Variants in CNTNAP2 observed in about 807,000 individuals in gnomAD.
CNTNAP2 encodes the protein contactin-associated protein-like 2.
CNTNAP2 carries 98 observed loss-of-function variants against 155.2 expected under a neutral mutation model. That is an observed-to-expected ratio of 0.63 (90% CI 0.54 to 0.75). CNTNAP2 has a LOEUF of 0.75. Among genes scored for constraint, CNTNAP2 ranks in the 30% least tolerant of loss-of-function variants. CNTNAP2 has a pLI of 0.00. For synonymous variants in CNTNAP2, 651 were observed against 631.2 expected (o/e 1.03, Z -0.47); for missense variants, 1,727 against 1,688.1 (o/e 1.02, Z -0.40).
At chr7:147,347,500 A>ATGTGTGTG (rs1407391848) in intron 9 of CNTNAP2, among the ~76,000 whole-genome samples, 38 of 121,388 alleles carry the variant, frequency 3.1e-4, no homozygotes, top group African/African-American at 1.0e-3. Context: ...ATGCATATAT[A>ATGTGTGTG]TGTGTGTGTG....
intron 12 of CNTNAP2, 189 bp from the exon 13 acceptor site, chr7:147,638,917 T>C (rs1025879090): frequency 2.9e-6 from 2 of 689,278 alleles, no homozygotes. Flanking sequence ...ATTACTTTCC[T>C]ACTTTGTCCT....
chr7:147,404,924 T>C (rs1273863809), intron 10 of CNTNAP2, among the ~76,000 whole-genome samples: 1 of 152,170 alleles, frequency 6.6e-6, no homozygotes, highest in Non-Finnish European at 1.5e-5. Context: ...AAAAAGGTAG[T>C]GAAATGCCAG....
intron 1 of CNTNAP2, among the ~76,000 whole-genome samples, chr7:146,531,850 C>T (rs1442870429): frequency 1.3e-5 from 2 of 151,902 alleles, no homozygotes; most frequent in East Asian, 1.9e-4. Context: ...GGCCCTATAG[C>T]TTGTTTAAAC....
At chr7:147,779,093 G>A (rs991325058) in intron 13 of CNTNAP2, among the ~76,000 whole-genome samples, 2 of 151,830 alleles carry the variant, frequency 1.3e-5, no homozygotes, top group Non-Finnish European at 2.9e-5. Flanking sequence ...TTTTTTGTAA[G>A]CAATCCAACC....
At chr7:146,186,394 A>G (rs1798624328) in intron 1 of CNTNAP2, among the ~76,000 whole-genome samples, 1 of 152,164 alleles carries the variant, frequency 6.6e-6, no homozygotes, top group South Asian at 2.1e-4. Context: ...CTCAAGAATT[A>G]TACGCTTTAA....
intron 1 of CNTNAP2, among the ~76,000 whole-genome samples, chr7:146,463,291 T>G (rs1458141834): frequency 6.6e-6 from 1 of 152,186 alleles, no homozygotes. Flanking sequence ...TGTGTACTGT[T>G]GCCATGATTT....
intron 10 of CNTNAP2, among the ~76,000 whole-genome samples, chr7:147,447,872 G>A (rs760553267): frequency 4.6e-5 from 7 of 151,960 alleles, no homozygotes; most frequent in Non-Finnish European, 8.8e-5. Context: ...AATATGGCTA[G>A]TATCAAGAAA....
At chr7:147,225,830 G>GGAAGGAAGGAGGGAAA (rs879538058) in intron 8 of CNTNAP2, among the ~76,000 whole-genome samples, 3 of 108,464 alleles carry the variant, frequency 2.8e-5, no homozygotes, top group Non-Finnish European at 3.9e-5. Context: ...AAGGAAAGAA[G>GGAAGGAAGGAGGGAAA]GAAGGAAGGA....
chr7:147,120,977 A>G lies in CNTNAP2; in HGVS notation c.755-2A>G. On this transcript the variant is annotated splice_acceptor_variant, in intron 5 of 23. Transcript: ENST00000361727. LOFTEE classifies it high-confidence loss of function. ...GTTTCTTTTTCACTTCTGTGTACGC[A>G]GGAAGCAACCAGCTTGGCCCCATAT... 2 of 1,613,410 alleles carry G rather than the reference A, an allele frequency of 1.2e-6. No homozygotes were observed. Among genetic ancestry groups the G allele is most frequent in the Non-Finnish European group, 8.5e-7 (1 of 1,179,876 alleles).
rs566066151 is a variant in CNTNAP2, at chr7:146,757,518, T to C, written c.98-16753T>C. 9.2e-5 allele frequency among the ~76,000 whole-genome samples: 14 copies of C among 152,264 alleles called. No homozygotes were observed. In the South Asian group the frequency reaches 2.9e-3, roughly 32 times the overall value. On this transcript the variant is annotated intron_variant, in intron 1 of 23. Transcript: ENST00000361727. The stretch of plus-strand genomic sequence containing the variant: ...TTCTCTCACAAACATTTCATGACAT[T>C]ATAGAATCCAGAAATGTCAGCTATA...
At chr7:146,333,227 G>T (rs957422483) in intron 1 of CNTNAP2, among the ~76,000 whole-genome samples, 1 of 152,122 alleles carries the variant, frequency 6.6e-6, no homozygotes, top group Admixed American at 6.5e-5. Context: ...TTACTAGCAT[G>T]AGCCACGATG....
rs71165057 is a variant in CNTNAP2 at position 146,985,308 on chromosome 7, A to ATTTTTTTT, written c.403-58577_403-58570dup. On this transcript the variant is annotated intron_variant, in intron 3 of 23. Transcript: ENST00000361727. ...CAAAGTGCTTGTGGAAAATGCTTGA[A>ATTTTTTTT]TTTTTTTTTTTTTTTTTTTTTTTTT... Among the ~76,000 whole-genome samples, 58 of 127,840 alleles carry ATTTTTTTT rather than the reference A, an allele frequency of 4.5e-4. 3 individuals carry two copies. Among genetic ancestry groups the ATTTTTTTT allele is most frequent in the African/African-American group, 1.7e-3 (55 of 32,008 alleles). 83.9% of individuals were successfully genotyped at this position (127,840 alleles called of 152,430 possible). A position where few individuals can be genotyped will look rare whatever the true frequency, so the allele number is the denominator to read the frequency against.
At chr7:147,230,050 T>C (rs1803641952) in intron 8 of CNTNAP2, among the ~76,000 whole-genome samples, 1 of 152,142 alleles carries the variant, frequency 6.6e-6, no homozygotes, top group Non-Finnish European at 1.5e-5. Context: ...ATTTTTAAAA[T>C]TTTAATACTG....
intron 13 of CNTNAP2, among the ~76,000 whole-genome samples, chr7:147,741,261 A>G (rs1252602664): frequency 6.6e-6 from 1 of 152,222 alleles, no homozygotes; most frequent in African/African-American, 2.4e-5. Context: ...TAAGGGATCT[A>G]TGTGTCATTT....
intron 1 of CNTNAP2, among the ~76,000 whole-genome samples, chr7:146,496,659 CCTT>C (rs1332133025): frequency 6.6e-6 from 1 of 152,276 alleles, no homozygotes; most frequent in South Asian, 2.1e-4. Flanking sequence ...CCCCTAAAAG[CCTT>C]CTTTTTTTTC....
chr7:147,380,288 G>C (rs1796514364), intron 9 of CNTNAP2, among the ~76,000 whole-genome samples: 1 of 151,628 alleles, frequency 6.6e-6, no homozygotes, highest in Non-Finnish European at 1.5e-5. Flanking sequence ...TTTATTGAAG[G>C]GTTTTGTTAT....
At chr7:147,876,220 A>G (rs1216930789) in intron 13 of CNTNAP2, among the ~76,000 whole-genome samples, 3 of 151,852 alleles carry the variant, frequency 2.0e-5, no homozygotes, top group African/African-American at 7.3e-5. Context: ...TCTTTTCTCC[A>G]TCTTTATTTC....
intron 5 of CNTNAP2, among the ~76,000 whole-genome samples, chr7:147,116,982 G>T (rs1280895196): frequency 1.3e-5 from 2 of 152,166 alleles, no homozygotes; most frequent in Non-Finnish European, 2.9e-5. Flanking sequence ...TCTCCTCGAG[G>T]CTCCATCTGG....
At chr7:146,184,498 A>G (rs907855728) in intron 1 of CNTNAP2, among the ~76,000 whole-genome samples, 1 of 152,206 alleles carries the variant, frequency 6.6e-6, no homozygotes, top group African/African-American at 2.4e-5. Flanking sequence ...TAATTAAATG[A>G]TAAGAGCTAA....
Sources: gnomAD v4.1 joint callset for allele counts (sites outside exome capture counted in the v4.1 genomes callset) on GRCh38, gnomAD v4.1.1 for gene constraint, MANE v1.5 for transcripts, NCBI Gene and HGNC (gene_info 2026-07-23, HGNC 2026-07-21) for gene names.